HECW2: variants seen among roughly 807,000 people sequenced by gnomAD.
The protein encoded by HECW2 is HECT, C2 and WW domain containing E3 ubiquitin protein ligase 2.
HECW2 carries 61 observed loss-of-function variants against 175.2 expected under a neutral mutation model. The observed-to-expected ratio is 0.35, with a 90% CI of 0.28 to 0.43. The LOEUF is 0.43. Ranked by LOEUF, HECW2 falls within the 20% of genes least tolerant of loss-of-function variation. The pLI is 1.00. For synonymous variants in HECW2, 671 were observed against 731.0 expected (o/e 0.92, Z 1.32); for missense variants, 1,524 against 2,000.5 (o/e 0.76, Z 4.54).
chr2:196,273,894 T>C, intron 16 of HECW2, 127 bp downstream of exon 16: 3 of 625,296 alleles, frequency 4.8e-6, no homozygotes, highest in African/African-American at 1.8e-5. Context: ...TTCTTAAGGA[T>C]AATGCAGCAA....
rs1348602192 is a variant in HECW2 at position 196,215,956 on chromosome 2, T to C, written c.4516A>G (p.Ile1506Val). 2.5e-6 allele frequency: 4 copies of C among 1,613,594 alleles called. No homozygotes were observed. Among genetic ancestry groups the C allele is most frequent in the Non-Finnish European group, 3.4e-6 (4 of 1,179,588 alleles). Residue 1506 changes from isoleucine (I) to valine (V), a missense_variant, in exon 28 of 29, where the codon ATT becomes GTT. Coordinates refer to ENST00000644978, the MANE Select transcript of HECW2 (RefSeq NM_001348768.2). The part of the protein sequence containing the change: ...LLQFVTGTSS[I>V]PYEGFASLRG... ...AGTGAAGCAAATCCTTCATAGGGAA[T>C]GCTGGATGTGCCTGTAACAAACTGT...
At chr2:196,545,582 G>A (rs1229236633) in intron 1 of HECW2, among the ~76,000 whole-genome samples, 2 of 152,150 alleles carry the variant, frequency 1.3e-5, no homozygotes, top group African/African-American at 2.4e-5. Context: ...ACAAGGGCAC[G>A]CCAGGGATCA....
intron 13 of HECW2, 79 bp downstream of exon 13, chr2:196,306,409 C>A: frequency 1.5e-6 from 2 of 1,374,114 alleles, no homozygotes; most frequent in Non-Finnish European, 2.0e-6. Context: ...CATTATCATT[C>A]CTGCTATTAC....
intron 1 of HECW2, among the ~76,000 whole-genome samples, chr2:196,536,123 T>C (rs926111705): frequency 1.3e-5 from 2 of 152,106 alleles, no homozygotes; most frequent in African/African-American, 4.8e-5. Context: ...GGAAAATAAA[T>C]ACCAATTTTT....
At chr2:196,490,965 T>C (rs1359116559) in intron 1 of HECW2, among the ~76,000 whole-genome samples, 1 of 152,124 alleles carries the variant, frequency 6.6e-6, no homozygotes, top group Non-Finnish European at 1.5e-5. Flanking sequence ...GGGAAAATAA[T>C]TAACTGTAAA....
At chr2:196,249,384 A>G (rs1688774737) in intron 19 of HECW2, among the ~76,000 whole-genome samples, 2 of 152,210 alleles carry the variant, frequency 1.3e-5, no homozygotes, top group Admixed American at 1.3e-4. Flanking sequence ...AACAGCTGCA[A>G]AAAGCAGTGA....
chr2:196,554,270 G>A (rs914047404), intron 1 of HECW2, among the ~76,000 whole-genome samples: 11 of 151,990 alleles, frequency 7.2e-5, no homozygotes, highest in African/African-American at 2.7e-4. Flanking sequence ...AGCTTGCAGT[G>A]AGCGGAGATC....
At chr2:196,462,457 A>G (rs1261916590) in intron 1 of HECW2, among the ~76,000 whole-genome samples, 1 of 152,204 alleles carries the variant, frequency 6.6e-6, no homozygotes, top group African/African-American at 2.4e-5. Flanking sequence ...ATCCATTAAT[A>G]GTGCTTTCCA....
chr2:196,356,150 T>C (rs553812129), intron 2 of HECW2, among the ~76,000 whole-genome samples: 5 of 152,142 alleles, frequency 3.3e-5, no homozygotes, highest in Non-Finnish European at 7.4e-5. Flanking sequence ...ACAATAACAC[T>C]CTCTAGAACC....
chr2:196,439,355 C>G (rs1695973848), intron 1 of HECW2, among the ~76,000 whole-genome samples: 1 of 152,062 alleles, frequency 6.6e-6, no homozygotes, highest in Non-Finnish European at 1.5e-5. Context: ...TATTAAAAAC[C>G]ACTAGAAGTT....
chr2:196,219,549 C>CA (rs1251684968), intron 26 of HECW2, among the ~76,000 whole-genome samples: 1 of 152,176 alleles, frequency 6.6e-6, no homozygotes, highest in Non-Finnish European at 1.5e-5. Flanking sequence ...AGAACTTCTC[C>CA]AATAATGTTG....
chr2:196,265,446 A>T lies in HECW2; in HGVS notation c.3335+5747T>A, dbSNP rs1452950736. Among the ~76,000 whole-genome samples the T allele has an allele frequency of 3.3e-5, 5 of 152,238 alleles. No homozygotes were observed. In the South Asian group the frequency reaches 6.2e-4, roughly 19 times the overall value. On this transcript the variant is annotated intron_variant, in intron 17 of 28. Transcript: ENST00000644978. ...GTTGCAGTGAGCCGAGATTGTGCCC[A>T]CTGCACTCCAGCCTGGGTGACAGAG...
intron 2 of HECW2, among the ~76,000 whole-genome samples, chr2:196,362,733 T>C (rs922777541): frequency 2.0e-5 from 3 of 152,218 alleles, no homozygotes; most frequent in Non-Finnish European, 4.4e-5. Flanking sequence ...TCTTGTCTTA[T>C]ACTGGAAAGA....
chr2:196,246,196 C>T (rs572335263), intron 19 of HECW2, among the ~76,000 whole-genome samples: 7 of 152,238 alleles, frequency 4.6e-5, no homozygotes, highest in Non-Finnish European at 7.4e-5. Flanking sequence ...GGGATAGGAC[C>T]GTGCAGTTCA....
chr2:196,328,033 A>G (rs1190582361), intron 5 of HECW2, among the ~76,000 whole-genome samples: 1 of 151,368 alleles, frequency 6.6e-6, no homozygotes, highest in African/African-American at 2.4e-5. Flanking sequence ...CCCATGGTTT[A>G]TATCAAAACA....
intron 2 of HECW2, among the ~76,000 whole-genome samples, chr2:196,409,207 C>T (rs1322250093): frequency 6.6e-6 from 1 of 152,126 alleles, no homozygotes; most frequent in Non-Finnish European, 1.5e-5. Context: ...ACAGATAATG[C>T]AACACCAACA....
At chr2:196,556,747 A>C (rs1300550784) in intron 1 of HECW2, among the ~76,000 whole-genome samples, 1 of 152,234 alleles carries the variant, frequency 6.6e-6, no homozygotes, top group Non-Finnish European at 1.5e-5. Context: ...GTAATCTTGG[A>C]GTGGAGATAG....
rs545492546 is a variant in HECW2, at chr2:196,196,338, T to C, written c.*4939A>G. 6.6e-6 allele frequency: 1 copy of C among 152,310 alleles called. No homozygotes were observed. The highest frequency in any genetic ancestry group is 2.4e-5 in the African/African-American group (1 of 41,550). The allele number at this position is 152,310 out of a possible 1,614,324, so 9.4% of individuals were successfully genotyped here. A position where few individuals can be genotyped will look rare whatever the true frequency, so the allele number is the denominator to read the frequency against. ...TGTCTTCAGCATTCCTTTGCATCCA[T>C]ACTAGACAAACAAATTAATTTGGAA... On this transcript the variant is annotated 3_prime_UTR_variant, in exon 29 of 29. Coordinates refer to ENST00000644978, the MANE Select transcript of HECW2 (RefSeq NM_001348768.2).
At chr2:196,376,646 A>T (rs1228564457) in intron 2 of HECW2, among the ~76,000 whole-genome samples, 1 of 147,730 alleles carries the variant, frequency 6.8e-6, no homozygotes, top group Admixed American at 6.7e-5. Flanking sequence ...AAAAAAAAAA[A>T]AAAGGGCCGG....
Sources: allele counts gnomAD v4.1 joint callset (sites outside exome capture counted in the v4.1 genomes callset), GRCh38; gene constraint gnomAD v4.1.1; transcripts MANE v1.5; gene names NCBI Gene and HGNC (gene_info 2026-07-23, HGNC 2026-07-21).